Variants in GALK2 observed in about 807,000 individuals in gnomAD.
The protein encoded by GALK2 is N-acetylgalactosamine kinase.
GALK2 carries 36 observed loss-of-function variants against 52.4 expected under a neutral mutation model. That is an observed-to-expected ratio of 0.69 (90% CI 0.53 to 0.91). The LOEUF (loss-of-function observed/expected upper bound fraction) is 0.91, where lower values mean the gene tolerates loss of function less well. Among genes scored for constraint, GALK2 ranks in the 40% least tolerant of loss-of-function variants. The pLI is 0.00. For missense variants in GALK2, 579 were observed against 559.1 expected (o/e 1.04, Z -0.36); for synonymous variants, 176 against 199.1 (o/e 0.88, Z 0.98).
intron 2 of GALK2, among the ~76,000 whole-genome samples, chr15:49,207,515 A>G (rs1240506878): frequency 2.0e-5 from 3 of 152,096 alleles, no homozygotes; most frequent in South Asian, 2.1e-4. Context: ...TTAAATTACC[A>G]TTTAAATCTC....
At chr15:49,174,601 C>A (rs2085320561) in intron 1 of GALK2, among the ~76,000 whole-genome samples, 2 of 152,176 alleles carry the variant, frequency 1.3e-5, no homozygotes, top group Non-Finnish European at 2.9e-5. Context: ...GCCTTGGTCT[C>A]CCAAAGTGCT....
chr15:49,170,164 A>G, upstream of GALK2: 1 of 1,455,006 alleles, frequency 6.9e-7, no homozygotes, highest in Non-Finnish European at 9.0e-7. Context: ...GGAGGGGCCG[A>G]TTGGAAGCAG....
intron 2 of GALK2, among the ~76,000 whole-genome samples, chr15:49,213,799 T>A (rs1305043488): frequency 6.6e-6 from 1 of 152,156 alleles, no homozygotes; most frequent in Non-Finnish European, 1.5e-5. Context: ...TGACTTTTTC[T>A]GACAATGTTT....
chr15:49,236,115 T>G (rs747401684), intron 4 of GALK2, among the ~76,000 whole-genome samples, 174 bp downstream of exon 4: 2 of 152,220 alleles, frequency 1.3e-5, no homozygotes, highest in African/African-American at 2.4e-5. Flanking sequence ...TTTGGGGTGG[T>G]GTTCACAGGG....
chr15:49,314,079 C>T (rs2036214794), intron 8 of GALK2, among the ~76,000 whole-genome samples: 1 of 152,148 alleles, frequency 6.6e-6, no homozygotes, highest in Admixed American at 6.5e-5. Flanking sequence ...CATTTCCCAC[C>T]AGAGATCCAA....
intron 3 of GALK2, among the ~76,000 whole-genome samples, chr15:49,220,339 A>C (rs1351285401): frequency 6.6e-6 from 1 of 152,006 alleles, no homozygotes; most frequent in African/African-American, 2.4e-5. Context: ...TTAAGTTCCC[A>C]CATATGAGTG....
rs114877902 is a variant in GALK2 at position 49,206,766 on chromosome 15, G to A, written c.142+5516G>A. ...AGTCCATAGGGTTTTCAAGGTAAACGATCGTATCATCAGCAAACAGTGACA... is the reference window on the plus strand; with the variant it reads ...AGTCCATAGGGTTTTCAAGGTAAACAATCGTATCATCAGCAAACAGTGACA... On this transcript the variant is annotated intron_variant, in intron 2 of 9. Coordinates refer to ENST00000560031, the MANE Select transcript of GALK2 (RefSeq NM_002044.4). Among the ~76,000 whole-genome samples the A allele has an allele frequency of 2.2e-3, 334 of 152,100 alleles. 1 individual carries two copies. The highest frequency in any genetic ancestry group is 7.7e-3 in the African/African-American group (321 of 41,506).
chr15:49,286,939 G>C (rs940796747), intron 7 of GALK2, among the ~76,000 whole-genome samples: 7 of 152,134 alleles, frequency 4.6e-5, no homozygotes, highest in Non-Finnish European at 8.8e-5. Flanking sequence ...TAGGTGAGCT[G>C]AAACAAGTAT....
At chr15:49,200,248 A>G (rs1005652837) in intron 1 of GALK2, among the ~76,000 whole-genome samples, 2 of 152,148 alleles carry the variant, frequency 1.3e-5, no homozygotes, top group Non-Finnish European at 2.9e-5. Context: ...TAGGGAAGAG[A>G]GGCCAAGAGA....
At chr15:49,314,616 G>T (rs1308211059) in intron 8 of GALK2, among the ~76,000 whole-genome samples, 1 of 152,220 alleles carries the variant, frequency 6.6e-6, no homozygotes. Context: ...CTAAGTGCCA[G>T]ATCCTATTTT....
chr15:49,366,799 G>A (rs1208400089), intron 3 of GALK2: 4 of 569,426 alleles, frequency 7.0e-6, no homozygotes, highest in Non-Finnish European at 1.2e-5. Flanking sequence ...GGCTGGGATC[G>A]CCGCTGCTGC....
chr15:49,188,273 G>A (rs1215480217), intron 1 of GALK2, among the ~76,000 whole-genome samples: 3 of 152,202 alleles, frequency 2.0e-5, no homozygotes, highest in African/African-American at 7.2e-5. Context: ...TTAGCCCATG[G>A]TGGTTGGGCT....
chr15:49,266,977 G>C (rs541374901), intron 5 of GALK2, among the ~76,000 whole-genome samples: 1 of 152,290 alleles, frequency 6.6e-6, no homozygotes, highest in South Asian at 2.1e-4. Context: ...TAGTGGCTGG[G>C]ACCTGGGAGG....
chr15:49,166,107 T>G (rs562902293), upstream of GALK2, among the ~76,000 whole-genome samples: 1 of 152,248 alleles, frequency 6.6e-6, no homozygotes, highest in East Asian at 1.9e-4. Context: ...AATGTATTTC[T>G]AAAAACTTTC....
intron 7 of GALK2, 127 bp from the exon 8 acceptor site, chr15:49,292,200 A>G (rs1159286639): frequency 3.9e-6 from 3 of 767,950 alleles, no homozygotes; most frequent in Non-Finnish European, 6.3e-6. Context: ...ATGGTGGGAA[A>G]GTTGGATAGG....
chr15:49,278,756 C>T (rs2032268008), intron 5 of GALK2, among the ~76,000 whole-genome samples: 1 of 152,222 alleles, frequency 6.6e-6, no homozygotes, highest in African/African-American at 2.4e-5. Flanking sequence ...GTTTCCTAAT[C>T]TGTAAGCCAC....
intron 6 of GALK2, 79 bp from the exon 7 acceptor site, chr15:49,283,487 T>G: frequency 7.7e-7 from 1 of 1,291,480 alleles, no homozygotes; most frequent in Admixed American, 2.1e-5. Context: ...ACAAAACACT[T>G]TAAGATAAAT....
rs1596019114 is a variant in GALK2 at position 49,299,743 on chromosome 15, C to CTTTCTTTCTTTCTTTTTTTTT, written c.967+7221_967+7222insTTTTTTTTTCTTTCTTTCTTT. Among the ~76,000 whole-genome samples, 14 of 107,760 alleles carry CTTTCTTTCTTTCTTTTTTTTT rather than the reference C, an allele frequency of 1.3e-4. 1 individual carries two copies. The highest frequency in any genetic ancestry group is 4.0e-4 in the African/African-American group (11 of 27,162). The allele number at this position is 107,760 out of a possible 152,430, so 70.7% of individuals were successfully genotyped here. A position where few individuals can be genotyped will look rare whatever the true frequency, so the allele number is the denominator to read the frequency against. On this transcript the variant is annotated intron_variant, in intron 8 of 9. Transcript: ENST00000560031. ...CTTTCTTTCTTTCTTTCTTTTCTTTCTTTCTTTCTTTCTTTCTTTCTTTCT... is the reference window on the plus strand; with the variant it reads ...CTTTCTTTCTTTCTTTCTTTTCTTTCTTTCTTTCTTTCTTTTTTTTTTTTCTTTCTTTCTTTCTTTCTTTCT...
chr15:49,228,040 C>T (rs188607919), intron 3 of GALK2, among the ~76,000 whole-genome samples: 132 of 152,204 alleles, frequency 8.7e-4, no homozygotes, highest in Non-Finnish European at 1.6e-3. Context: ...TTGAATATAT[C>T]ATCCCATTTT....
Sources: gnomAD v4.1 joint callset for allele counts (sites outside exome capture counted in the v4.1 genomes callset) on GRCh38, gnomAD v4.1.1 for gene constraint, MANE v1.5 for transcripts, NCBI Gene and HGNC (gene_info 2026-07-23, HGNC 2026-07-21) for gene names.